The following RBFOX1 variants were observed in gnomAD, a reference collection of about 807,000 sequenced individuals.
RBFOX1 encodes the protein RNA binding fox-1 homolog 1, also known as RNA binding protein fox-1 homolog 1.
RBFOX1 carries 8 observed loss-of-function variants against 57.7 expected under a neutral mutation model. That is an observed-to-expected ratio of 0.14 (90% CI 0.08 to 0.25). RBFOX1 has a LOEUF of 0.25. Among genes scored for constraint, RBFOX1 ranks in the 10% least tolerant of loss-of-function variants. RBFOX1 has a pLI of 1.00. For missense variants in RBFOX1, 611 were observed against 548.5 expected, an observed-to-expected ratio of 1.11 and a Z score of -1.14; for synonymous variants, 326 against 222.4, an observed-to-expected ratio of 1.47 and a Z score of -4.15.
At chr16:6,799,869 G>A (rs965991084) in intron 3 of RBFOX1, among the ~76,000 whole-genome samples, 2 of 152,050 alleles carry the variant, frequency 1.3e-5, no homozygotes, top group East Asian at 1.9e-4. Flanking sequence ...TTAAGGTTTC[G>A]GGACTCGGAG....
At chr16:6,951,244 G>C (rs1263866247) in intron 3 of RBFOX1, among the ~76,000 whole-genome samples, 1 of 152,062 alleles carries the variant, frequency 6.6e-6, no homozygotes, top group Admixed American at 6.6e-5. Context: ...AAAGGCATGT[G>C]AGTGAAAGAA....
At chr16:7,184,120 C>G (rs774767890) in intron 4 of RBFOX1, among the ~76,000 whole-genome samples, 12 of 152,106 alleles carry the variant, frequency 7.9e-5, no homozygotes, top group Non-Finnish European at 1.2e-4. Flanking sequence ...TGTAAAATCA[C>G]TGACAGGAAA....
Position 7,685,489 on chromosome 16 carries a change from CT to C in RBFOX1, c.995+8652del, listed in dbSNP as rs2075872478. On this transcript the variant is annotated intron_variant, in intron 14 of 15. Coordinates refer to ENST00000550418, the MANE Select transcript of RBFOX1 (RefSeq NM_018723.4). ...AAAGGAGTACCTGAAAAAGTTCCATCTGATTTCACTTTACTGACCCTCAGTT... is the reference window on the plus strand; with the variant it reads ...AAAGGAGTACCTGAAAAAGTTCCATCGATTTCACTTTACTGACCCTCAGTT... 4.6e-5 allele frequency among the ~76,000 whole-genome samples: 7 copies of C among 152,212 alleles called. No individual in the cohort carries two copies. In the South Asian group the frequency reaches 1.4e-3, roughly 32 times the overall value.
chr16:6,733,915 T>A (rs2069357362), intron 3 of RBFOX1, among the ~76,000 whole-genome samples: 1 of 152,212 alleles, frequency 6.6e-6, no homozygotes, highest in Non-Finnish European at 1.5e-5. Context: ...TGTACAGGGT[T>A]TCAGTTCTTA....
At chr16:7,072,489 C>G (rs2057528749) in intron 4 of RBFOX1, among the ~76,000 whole-genome samples, 1 of 152,148 alleles carries the variant, frequency 6.6e-6, no homozygotes, top group Admixed American at 6.5e-5. Flanking sequence ...CTGCCTATAA[C>G]ATAGTAGAAA....
intron 3 of RBFOX1, among the ~76,000 whole-genome samples, chr16:5,727,983 G>C (rs970885828): frequency 6.6e-6 from 1 of 152,112 alleles, no homozygotes; most frequent in African/African-American, 2.4e-5. Context: ...TACCATGCCC[G>C]GCCTCCTCTC....
chr16:6,534,601 G>A (rs2096710180), intron 2 of RBFOX1, among the ~76,000 whole-genome samples: 1 of 151,946 alleles, frequency 6.6e-6, no homozygotes, highest in Admixed American at 6.6e-5. Context: ...TTGATACCCG[G>A]GTGATTTACA....
intron 4 of RBFOX1, among the ~76,000 whole-genome samples, chr16:7,423,718 A>G (rs1410152229): frequency 6.6e-6 from 1 of 152,126 alleles, no homozygotes; most frequent in Non-Finnish European, 1.5e-5. Flanking sequence ...AGGCTGGGCC[A>G]CTTTCTTTTC....
At chr16:5,470,459 G>C (rs144484159) in intron 2 of RBFOX1, among the ~76,000 whole-genome samples, 24 of 152,306 alleles carry the variant, frequency 1.6e-4, no homozygotes, top group African/African-American at 5.8e-4. Context: ...GTTTAACCCA[G>C]ATACACATGC....
At chr16:6,650,984 C>A (rs957419804) in intron 2 of RBFOX1, among the ~76,000 whole-genome samples, 3 of 152,190 alleles carry the variant, frequency 2.0e-5, no homozygotes, top group Admixed American at 2.0e-4. Flanking sequence ...CTTACTGCAT[C>A]CTCCGCCTTC....
At chr16:6,486,585 ACT>A (rs1279439396) in intron 2 of RBFOX1, among the ~76,000 whole-genome samples, 5 of 151,944 alleles carry the variant, frequency 3.3e-5, no homozygotes, top group African/African-American at 1.2e-4. Flanking sequence ...ATGAGACTTC[ACT>A]CTCCATCTTG....
intron 2 of RBFOX1, among the ~76,000 whole-genome samples, chr16:6,609,054 T>C (rs1329211191): frequency 2.0e-5 from 3 of 152,190 alleles, no homozygotes; most frequent in Admixed American, 2.0e-4. Context: ...TTGAAGACCC[T>C]TGTGATTACC....
intron 4 of RBFOX1, among the ~76,000 whole-genome samples, chr16:7,076,402 G>A (rs1011203058): frequency 3.3e-5 from 5 of 151,694 alleles, no homozygotes; most frequent in Admixed American, 1.3e-4. Context: ...GTCAAAACCA[G>A]CAAAAGAAAA....
intron 4 of RBFOX1, among the ~76,000 whole-genome samples, chr16:7,253,069 A>T (rs2153031669): frequency 6.6e-6 from 1 of 152,314 alleles, no homozygotes; most frequent in East Asian, 1.9e-4. Context: ...TTACGCTCTT[A>T]TAATTACCTT....
chr16:5,728,745 C>T (rs534910902), intron 3 of RBFOX1, among the ~76,000 whole-genome samples: 4 of 152,284 alleles, frequency 2.6e-5, no homozygotes, highest in South Asian at 2.1e-4. Flanking sequence ...CTTCCAGGCA[C>T]AGAGGCAGCT....
At chr16:6,651,693 ATC>A (rs2098597367) in intron 2 of RBFOX1, among the ~76,000 whole-genome samples, 1 of 152,172 alleles carries the variant, frequency 6.6e-6, no homozygotes, top group African/African-American at 2.4e-5. Context: ...GGGTTTGGCA[ATC>A]TCACTTCTGG....
intron 4 of RBFOX1, among the ~76,000 whole-genome samples, chr16:5,900,118 G>A (rs2058270384): frequency 1.3e-5 from 2 of 152,130 alleles, no homozygotes. Context: ...CTTCAACAAC[G>A]TTGTCTATGC....
At chr16:6,654,544 G>C in intron 2 of RBFOX1, 59 bp from the exon 3 acceptor site, 1 of 1,343,936 alleles carries the variant, frequency 7.4e-7, no homozygotes, top group Non-Finnish European at 1.0e-6. Flanking sequence ...AATGTTCTCT[G>C]ACCATAAGTC....
chr16:6,816,856 C>A (rs907604826), intron 3 of RBFOX1, among the ~76,000 whole-genome samples: 1 of 152,082 alleles, frequency 6.6e-6, no homozygotes, highest in Non-Finnish European at 1.5e-5. Context: ...ACAGTCCTCC[C>A]ACTTCACCCT....
Sources: allele counts gnomAD v4.1 joint callset (sites outside exome capture counted in the v4.1 genomes callset), GRCh38; gene constraint gnomAD v4.1.1; transcripts MANE v1.5; gene names NCBI Gene and HGNC (gene_info 2026-07-23, HGNC 2026-07-21).